Variants in TAGLN3 observed in about 807,000 individuals in gnomAD.
TAGLN3 encodes transgelin-3.
Under a neutral mutation model 25.4 loss-of-function variants are expected in TAGLN3, and 12 were observed. That is an observed-to-expected ratio of 0.47 (90% CI 0.30 to 0.77). TAGLN3 has a LOEUF of 0.77. Among genes scored for constraint, TAGLN3 ranks in the 30% least tolerant of loss-of-function variants. TAGLN3 has a pLI of 0.06. For missense variants in TAGLN3, 218 were observed against 255.8 expected, an observed-to-expected ratio of 0.85 and a Z score of 1.01; for synonymous variants, 96 against 94.8, an observed-to-expected ratio of 1.01 and a Z score of -0.08.
intron 1 of TAGLN3, 75 bp downstream of exon 1, chr3:111,999,189 C>T: frequency 2.2e-6 from 1 of 459,596 alleles, no homozygotes; most frequent in Middle Eastern, 5.8e-4. Flanking sequence ...CCTGGACCGG[C>T]CGGAGGTTTA....
chr3:112,011,119 T>G (rs1284276467), intron 3 of TAGLN3, among the ~76,000 whole-genome samples: 1 of 152,220 alleles, frequency 6.6e-6, no homozygotes, highest in Non-Finnish European at 1.5e-5. Flanking sequence ...CTCAGTAGCA[T>G]CTTCTCAGTT....
chr3:112,013,551 G>A lies in TAGLN3; in HGVS notation c.600G>A (p.Ter200=). 6.2e-7 allele frequency: 1 copy of A among 1,614,138 alleles called. No homozygotes were observed. Among genetic ancestry groups the A allele is most frequent in the Admixed American group, 1.7e-5 (1 of 60,024 alleles). ...TGYGMPRQIM[*] ...ACGGGATGCCCAGGCAGATCATGTAGGACGCGGCATCCTGCCCCTGGTAGA... is the reference window on the plus strand; with the variant it reads ...ACGGGATGCCCAGGCAGATCATGTAAGACGCGGCATCCTGCCCCTGGTAGA... The change falls in exon 5 of 5, where the codon TAG becomes TAA. Residue 200 remains the stop codon, a stop_retained_variant. Transcript: ENST00000478951.
chr3:112,007,010 G>T (rs1382586158), intron 3 of TAGLN3, among the ~76,000 whole-genome samples: 1 of 152,218 alleles, frequency 6.6e-6, no homozygotes, highest in East Asian at 1.9e-4. Flanking sequence ...GCTGTCAGTT[G>T]CTAGGTGAGA....
At chr3:112,013,310 C>T (rs1183951398) in intron 4 of TAGLN3, 100 bp from the exon 5 acceptor site, 1 of 1,453,590 alleles carries the variant, frequency 6.9e-7, no homozygotes, top group African/African-American at 1.4e-5. Flanking sequence ...ACCTGCTGAT[C>T]TATTTGGGGA....
chr3:112,009,249 A>T lies in TAGLN3; in HGVS notation c.356-2514A>T, dbSNP rs185173973. Among the ~76,000 whole-genome samples the T allele has an allele frequency of 1.1e-3, 165 of 152,284 alleles. 1 individual carries two copies. Among genetic ancestry groups the T allele is most frequent in the Middle Eastern group, 3.4e-3 (1 of 294 alleles). On this transcript the variant is annotated intron_variant, in intron 3 of 4. Transcript: ENST00000478951. The stretch of plus-strand genomic sequence containing the variant: ...CATCCAAATGATATCACTTGGCCAG[A>T]ACATCAGTAGTGAGGCCCTAACTGC...
chr3:112,009,614 A>G (rs1308794686), intron 3 of TAGLN3, among the ~76,000 whole-genome samples: 2 of 152,126 alleles, frequency 1.3e-5, no homozygotes, highest in Non-Finnish European at 2.9e-5. Flanking sequence ...TGATTGGGTG[A>G]CTCTGGGCAT....
At chr3:112,003,289 T>C (rs1293540980) in intron 3 of TAGLN3, among the ~76,000 whole-genome samples, 2 of 152,094 alleles carry the variant, frequency 1.3e-5, no homozygotes, top group African/African-American at 4.8e-5. Flanking sequence ...AGGATCACTG[T>C]CTGAAGCTTA....
At chr3:112,004,094 G>T (rs1413771749) in intron 3 of TAGLN3, among the ~76,000 whole-genome samples, 1 of 152,220 alleles carries the variant, frequency 6.6e-6, no homozygotes, top group African/African-American at 2.4e-5. Flanking sequence ...TATAGATAAA[G>T]CTACTGAAGT....
intron 4 of TAGLN3, 22 bp downstream of exon 4, chr3:112,011,887 C>T: frequency 6.2e-7 from 1 of 1,608,386 alleles, no homozygotes; most frequent in East Asian, 2.2e-5. Flanking sequence ...TTCCTTGCCC[C>T]CTGGACCACA....
At chr3:112,008,987 C>T (rs907102566) in intron 3 of TAGLN3, among the ~76,000 whole-genome samples, 5 of 151,992 alleles carry the variant, frequency 3.3e-5, no homozygotes, top group Admixed American at 6.6e-5. Context: ...TGGTGGAAGG[C>T]GAAGGGGAGC....
chr3:112,000,128 T>G (rs914176721), intron 2 of TAGLN3, among the ~76,000 whole-genome samples: 1 of 152,190 alleles, frequency 6.6e-6, no homozygotes, highest in Admixed American at 6.5e-5. Context: ...CAAATGCTCG[T>G]GTGTGTTTGA....
At chr3:112,010,048 C>T (rs556883492) in intron 3 of TAGLN3, among the ~76,000 whole-genome samples, 1 of 151,728 alleles carries the variant, frequency 6.6e-6, no homozygotes, top group Admixed American at 6.6e-5. Context: ...ATATAGACTA[C>T]TACATGAACC....
At chr3:112,008,876 T>A (rs2072947457) in intron 3 of TAGLN3, among the ~76,000 whole-genome samples, 1 of 152,224 alleles carries the variant, frequency 6.6e-6, no homozygotes, top group African/African-American at 2.4e-5. Flanking sequence ...GACTGGGTAA[T>A]TCATAAAGAG....
intron 1 of TAGLN3, 121 bp downstream of exon 1, chr3:111,999,235 T>C (rs1291973696): frequency 3.3e-6 from 2 of 614,014 alleles, no homozygotes; most frequent in Non-Finnish European, 5.5e-6. Flanking sequence ...TGCTTTTCTT[T>C]CCCGTTTGTA....
rs1001813522 is a variant in TAGLN3, at chr3:112,011,065, C to CCTTGCATGGACTTTTGGT, written c.356-695_356-678dup. On this transcript the variant is annotated intron_variant, in intron 3 of 4. Transcript: ENST00000478951. ...TTAGCTTTTGTATTCCACACTGGTG[C>CCTTGCATGGACTTTTGGT]CTTGCATGGACTTTTGGTCTGATTC... 3.3e-5 allele frequency among the ~76,000 whole-genome samples: 5 copies of CCTTGCATGGACTTTTGGT among 152,212 alleles called. No individual in the cohort carries two copies. In the East Asian group the frequency reaches 5.8e-4, roughly 18 times the overall value.
intron 1 of TAGLN3, 41 bp from the exon 2 acceptor site, chr3:111,999,380 G>T: frequency 6.2e-7 from 1 of 1,602,898 alleles, no homozygotes. Context: ...TGCTGCTGCT[G>T]CTATTGTGTG....
At chr3:112,009,892 A>T (rs534956636) in intron 3 of TAGLN3, among the ~76,000 whole-genome samples, 1 of 151,856 alleles carries the variant, frequency 6.6e-6, no homozygotes, top group South Asian at 2.1e-4. Flanking sequence ...AGGCTCCTGG[A>T]TATCTTATCT....
chr3:111,999,766 G>T (rs1195385423), intron 2 of TAGLN3, among the ~76,000 whole-genome samples, 164 bp downstream of exon 2: 2 of 152,150 alleles, frequency 1.3e-5, no homozygotes, highest in African/African-American at 2.4e-5. Context: ...GAAGATTTGG[G>T]CTCCATGCAC....
At chr3:112,010,211 T>C (rs1463948373) in intron 3 of TAGLN3, among the ~76,000 whole-genome samples, 1 of 152,048 alleles carries the variant, frequency 6.6e-6, no homozygotes, top group Non-Finnish European at 1.5e-5. Flanking sequence ...GTAGTGTCTG[T>C]GGGTGATCTG....
Sources: gnomAD v4.1 joint callset for allele counts (sites outside exome capture counted in the v4.1 genomes callset) on GRCh38, gnomAD v4.1.1 for gene constraint, MANE v1.5 for transcripts, NCBI Gene and HGNC (gene_info 2026-07-23, HGNC 2026-07-21) for gene names.